Variants in SEC63 observed in about 807,000 individuals in gnomAD.
SEC63 encodes the protein translocation protein SEC63 homolog.
A neutral mutation model predicts 116.2 loss-of-function variants in SEC63; 56 were observed. The observed-to-expected ratio is 0.48, with a 90% CI of 0.39 to 0.60. The LOEUF is 0.60. Ranked by LOEUF, SEC63 falls within the 20% of genes least tolerant of loss-of-function variation. The probability of loss-of-function intolerance (pLI) is 0.00; values close to 1 mark genes in which losing one functional copy is unlikely to be tolerated. For synonymous variants in SEC63, 273 were observed against 294.6 expected (o/e 0.93, Z 0.75); for missense variants, 668 against 900.0 (o/e 0.74, Z 3.30).
chr6:107,895,843 G>A (rs1398860848), intron 14 of SEC63, among the ~76,000 whole-genome samples: 1 of 122,776 alleles, frequency 8.1e-6, no homozygotes, highest in Non-Finnish European at 1.6e-5. Flanking sequence ...GCAGCCTACA[G>A]AGACCCGCAC....
At chr6:107,955,623 T>C (rs1049274129) in intron 1 of SEC63, among the ~76,000 whole-genome samples, 4 of 152,122 alleles carry the variant, frequency 2.6e-5, no homozygotes, top group Admixed American at 1.3e-4. Flanking sequence ...TGGTGGCTCA[T>C]GCCTGTAGTC....
intron 15 of SEC63, 50 bp from the exon 16 acceptor site, chr6:107,893,705 T>C: frequency 6.2e-7 from 1 of 1,608,430 alleles, no homozygotes; most frequent in Non-Finnish European, 8.5e-7. Context: ...CAGATTCAAT[T>C]GAAGGTTGTA....
In SEC63 at chr6:107,906,622, A is replaced by G. The variant is rs754157554; in HGVS notation, c.829-42T>C. 1.8e-5 allele frequency: 29 copies of G among 1,605,124 alleles called. No homozygotes were observed. In the East Asian group the frequency reaches 6.5e-4, roughly 36 times the overall value. Reference sequence around the variant, plus strand: ...AATTATTCAAAAACACGCTTTTTTTAAAAAAAGTATTCACTTTAATACTTA... The same window carrying G: ...AATTATTCAAAAACACGCTTTTTTTGAAAAAAGTATTCACTTTAATACTTA... On this transcript the variant is annotated intron_variant, in intron 9 of 20. Transcript: ENST00000369002.
intron 18 of SEC63, among the ~76,000 whole-genome samples, chr6:107,878,475 G>C (rs1786332522): frequency 6.6e-6 from 1 of 152,174 alleles, no homozygotes; most frequent in East Asian, 1.9e-4. Flanking sequence ...TTATGTTAAA[G>C]ATTATGCACT....
chr6:107,878,951 T>TA (rs11394865), intron 18 of SEC63, among the ~76,000 whole-genome samples: 132,530 of 152,218 alleles, frequency 0.87, 57,869 homozygotes, highest in Middle Eastern at 0.93. Flanking sequence ...GTGAAACAGA[T>TA]TTCTATGAGT....
chr6:107,915,479 T>C (rs1385419576), intron 4 of SEC63, among the ~76,000 whole-genome samples: 1 of 152,116 alleles, frequency 6.6e-6, no homozygotes, highest in Non-Finnish European at 1.5e-5. Flanking sequence ...TTTATAAAAA[T>C]TAACATATCT....
chr6:107,919,589 A>G (rs1206634500), intron 4 of SEC63, among the ~76,000 whole-genome samples: 9 of 151,818 alleles, frequency 5.9e-5, no homozygotes, highest in Admixed American at 3.3e-4. Context: ...TTGGGAGGCC[A>G]AGGCAGGCGT....
intron 1 of SEC63, among the ~76,000 whole-genome samples, chr6:107,946,862 G>T (rs1218688050): frequency 6.6e-6 from 1 of 152,074 alleles, no homozygotes; most frequent in Non-Finnish European, 1.5e-5. Context: ...AAATTAGCCA[G>T]GCGTGGTGGT....
chr6:107,881,698 A>G (rs543255697), intron 17 of SEC63, among the ~76,000 whole-genome samples: 34 of 152,114 alleles, frequency 2.2e-4, no homozygotes, highest in African/African-American at 8.2e-4. Flanking sequence ...ATTTCCTTCT[A>G]CCTCAGGACT....
intron 1 of SEC63, among the ~76,000 whole-genome samples, chr6:107,938,683 A>C (rs1001376100): frequency 6.6e-6 from 1 of 151,304 alleles, no homozygotes. Flanking sequence ...CAGCCTCCCG[A>C]GTAGCTGGGA....
chr6:107,920,747 GTTAAGTT>G (rs1428179618), intron 4 of SEC63, among the ~76,000 whole-genome samples: 10 of 152,240 alleles, frequency 6.6e-5, no homozygotes, highest in African/African-American at 2.4e-4. Flanking sequence ...GAAGAATCTA[GTTAAGTT>G]TTATCTCTTG....
chr6:107,911,591 A>G (rs999634389), intron 6 of SEC63, among the ~76,000 whole-genome samples, 195 bp from the exon 7 acceptor site: 1 of 152,244 alleles, frequency 6.6e-6, no homozygotes, highest in African/African-American at 2.4e-5. Flanking sequence ...GAAAACCTGC[A>G]GTACACATGG....
rs513325 is a variant in SEC63, at chr6:107,869,042, C to T, written c.*2662G>A. On this transcript the variant is annotated 3_prime_UTR_variant, in exon 21 of 21. Coordinates refer to ENST00000369002, the MANE Select transcript of SEC63 (RefSeq NM_007214.5). ...TTCCACATCAGTTGTTTGACATCCA[C>T]GCCCCCTGCTTCCACCAGAGCCTGA... is the stretch of plus-strand genomic sequence containing the variant. 0.88 allele frequency: 133,931 copies of T among 152,120 alleles called. 59,107 individuals are homozygous for T. Among genetic ancestry groups the T allele is most frequent in the Middle Eastern group, 0.92 (271 of 294 alleles). The allele number at this position is 152,120 out of a possible 1,614,324, so 9.4% of individuals were successfully genotyped here. A position where few individuals can be genotyped will look rare whatever the true frequency, so the allele number is the denominator to read the frequency against.
At chr6:107,930,435 C>G (rs1461888032) in intron 1 of SEC63, among the ~76,000 whole-genome samples, 10 of 151,296 alleles carry the variant, frequency 6.6e-5, no homozygotes, top group Non-Finnish European at 8.8e-5. Context: ...TGGAGAAACC[C>G]TGTCTCTACC....
rs369900021 is a variant in SEC63, at chr6:107,871,716, T to C, written c.2271A>G (p.Glu757=). ...TTCAGAGTACTGCTTAGTCATCATCTTCTTCTTCCTCCTCTTCTTCCTCAA... is the reference window on the plus strand; with the variant it reads ...TTCAGAGTACTGCTTAGTCATCATCCTCTTCTTCCTCCTCTTCTTCCTCAA... ...DSFEEEEEEE[E]DDD The change falls in exon 21 of 21, where the codon GAA becomes GAG. Residue 757 remains glutamate (E), a synonymous_variant. Coordinates refer to ENST00000369002, the MANE Select transcript of SEC63 (RefSeq NM_007214.5). 6.2e-7 allele frequency: 1 copy of C among 1,612,534 alleles called. No individual in the cohort carries two copies. Among genetic ancestry groups the C allele is most frequent in the Non-Finnish European group, 8.5e-7 (1 of 1,179,706 alleles).
At chr6:107,949,247 T>C (rs1454874440) in intron 1 of SEC63, among the ~76,000 whole-genome samples, 2 of 152,234 alleles carry the variant, frequency 1.3e-5, no homozygotes, top group Non-Finnish European at 2.9e-5. Flanking sequence ...AGAGTTTTTA[T>C]ATGTCAAAGT....
chr6:107,957,221 C>T (rs1253732001), intron 1 of SEC63: 1 of 152,206 alleles, frequency 6.6e-6, no homozygotes, highest in Non-Finnish European at 1.5e-5. Context: ...ATCCTTCATA[C>T]TTGCACTTTT....
At position 107,901,523 on chromosome 6, in the gene SEC63, T is replaced by TAAA. The variant is rs370485907; in HGVS notation, c.1210-9_1210-7dup. ...TGGATAGTTTTAATTTTATACTGAATAAAAAAAAAAAAGAAAATACATAAT... is the reference window on the plus strand; with the variant it reads ...TGGATAGTTTTAATTTTATACTGAATAAAAAAAAAAAAAAAGAAAATACATAAT... On this transcript the variant is annotated splice_region_variant and splice_polypyrimidine_tract_variant and intron_variant, in intron 12 of 20. Coordinates refer to ENST00000369002, the MANE Select transcript of SEC63 (RefSeq NM_007214.5). 11 of 1,168,610 alleles carry TAAA rather than the reference T, an allele frequency of 9.4e-6. No individual in the cohort carries two copies. The highest frequency in any genetic ancestry group is 3.1e-5 in the East Asian group (1 of 32,364). The allele number at this position is 1,168,610 out of a possible 1,614,324, so 72.4% of individuals were successfully genotyped here. A position where few individuals can be genotyped will look rare whatever the true frequency, so the allele number is the denominator to read the frequency against.
rs9386682 is a variant in SEC63, at chr6:107,901,248, T to C, written c.1357+122A>G. 12,321 of 987,566 alleles carry C rather than the reference T, an allele frequency of 0.012. 751 individuals carry two copies. In the East Asian group the frequency reaches 0.17, roughly 14 times the overall value. 61.2% of individuals were successfully genotyped at this position (987,566 alleles called of 1,614,324 possible). ...GTAAATCTGACAGGTAAACTACAGT[T>C]CTGCAAAGTCTAATAACAAGTTATG... On this transcript the variant is annotated intron_variant, in intron 13 of 20. Coordinates refer to ENST00000369002, the MANE Select transcript of SEC63 (RefSeq NM_007214.5).
Sources: allele counts gnomAD v4.1 joint callset (sites outside exome capture counted in the v4.1 genomes callset), GRCh38; gene constraint gnomAD v4.1.1; transcripts MANE v1.5; gene names NCBI Gene and HGNC (gene_info 2026-07-23, HGNC 2026-07-21).